Variants in ANKRD29 observed in about 807,000 individuals in gnomAD.
The protein encoded by ANKRD29 is ankyrin repeat domain-containing protein 29.
Under a neutral mutation model 38.0 loss-of-function variants are expected in ANKRD29, and 32 were observed. That is an observed-to-expected ratio of 0.84 (90% CI 0.64 to 1.13). ANKRD29 has a LOEUF of 1.13. ANKRD29 is among the 50% of genes most tolerant of loss of function. The pLI is 0.00. For missense variants in ANKRD29, 357 were observed against 377.9 expected, an observed-to-expected ratio of 0.94 and a Z score of 0.46; for synonymous variants, 135 against 152.4, an observed-to-expected ratio of 0.89 and a Z score of 0.84.
intron 4 of ANKRD29, among the ~76,000 whole-genome samples, chr18:23,636,762 C>T (rs1460304785): frequency 3.5e-5 from 5 of 141,980 alleles, no homozygotes; most frequent in East Asian, 2.4e-4. Context: ...TTGATAAAGA[C>T]GGGGTTTCGC....
intron 9 of ANKRD29, among the ~76,000 whole-genome samples, chr18:23,605,102 G>A (rs1035994272): frequency 6.6e-6 from 1 of 151,932 alleles, no homozygotes; most frequent in Admixed American, 6.6e-5. Context: ...TATATTTTTA[G>A]TAGAGATGGG....
At chr18:23,613,338 A>ATTTTTGTAT (rs2059668135) in intron 8 of ANKRD29, among the ~76,000 whole-genome samples, 1 of 151,624 alleles carries the variant, frequency 6.6e-6, no homozygotes, top group South Asian at 2.1e-4. Flanking sequence ...CACTCTGCTA[A>ATTTTTGTAT]TTTTTGTATT....
At chr18:23,645,358 G>A (rs962335840) in intron 3 of ANKRD29, among the ~76,000 whole-genome samples, 3 of 152,160 alleles carry the variant, frequency 2.0e-5, no homozygotes, top group Non-Finnish European at 4.4e-5. Context: ...GGCAGATCAC[G>A]AGGTCAGGAG....
intron 6 of ANKRD29, among the ~76,000 whole-genome samples, chr18:23,621,808 G>T (rs1444271975): frequency 6.6e-6 from 1 of 152,048 alleles, no homozygotes; most frequent in Non-Finnish European, 1.5e-5. Flanking sequence ...CCTAGTAGCT[G>T]AGACTACAGG....
At chr18:23,655,940 A>G (rs1317139525) in intron 1 of ANKRD29, among the ~76,000 whole-genome samples, 14 of 149,100 alleles carry the variant, frequency 9.4e-5, no homozygotes, top group East Asian at 2.0e-4. Context: ...AAAAATACAA[A>G]AAATTAGCCG....
intron 1 of ANKRD29, among the ~76,000 whole-genome samples, chr18:23,654,319 T>TC (rs1393640671): frequency 7.5e-4 from 112 of 148,852 alleles, no homozygotes; most frequent in African/African-American, 2.6e-3. Context: ...AATAAATAAA[T>TC]AAATAAATCC....
chr18:23,603,469 C>A (rs1210696537), intron 9 of ANKRD29, among the ~76,000 whole-genome samples: 1 of 152,154 alleles, frequency 6.6e-6, no homozygotes, highest in Non-Finnish European at 1.5e-5. Context: ...CCTGTCTCCA[C>A]TAAAAATACA....
At chr18:23,645,670 G>A (rs1160832421) in intron 3 of ANKRD29, among the ~76,000 whole-genome samples, 3 of 152,208 alleles carry the variant, frequency 2.0e-5, no homozygotes, top group African/African-American at 2.4e-5. Flanking sequence ...TGAATGAAGT[G>A]TGGGAACAGG....
chr18:23,656,879 T>A (rs2060291090), intron 1 of ANKRD29, among the ~76,000 whole-genome samples: 1 of 152,126 alleles, frequency 6.6e-6, no homozygotes, highest in Admixed American at 6.5e-5. Flanking sequence ...CTTCTGGAAG[T>A]CCATTTCACA....
At chr18:23,624,341 C>T (rs1221466616) in intron 6 of ANKRD29, among the ~76,000 whole-genome samples, 2 of 151,550 alleles carry the variant, frequency 1.3e-5, no homozygotes, top group Non-Finnish European at 2.9e-5. Context: ...GTGGTGCATG[C>T]CTGTAGTCCC....
At chr18:23,614,630 T>A (rs1178093415) in intron 8 of ANKRD29, among the ~76,000 whole-genome samples, 21 of 139,642 alleles carry the variant, frequency 1.5e-4, no homozygotes, top group Non-Finnish European at 3.0e-4. Flanking sequence ...AGTTCAAAGG[T>A]CAAGACCAGC....
At chr18:23,630,780 A>G (rs183547056) in intron 5 of ANKRD29, among the ~76,000 whole-genome samples, 1 of 151,170 alleles carries the variant, frequency 6.6e-6, no homozygotes, top group Admixed American at 6.6e-5. Context: ...TATTTTTAAT[A>G]TATTTTTAAA....
chr18:23,618,966 G>C (rs2059758073), intron 7 of ANKRD29, among the ~76,000 whole-genome samples: 1 of 152,178 alleles, frequency 6.6e-6, no homozygotes, highest in Non-Finnish European at 1.5e-5. Flanking sequence ...GGTTACGTAA[G>C]CAAGGGTTAT....
At chr18:23,615,924 TATATATTATATAGTATATAATATATAC>T in intron 8 of ANKRD29, among the ~76,000 whole-genome samples, 1 of 138,578 alleles carries the variant, frequency 7.2e-6, no homozygotes, top group East Asian at 1.9e-4. Flanking sequence ...ATATAGTATG[TATATATTATATAGTATATAATATATAC>T]ATACTATATG....
chr18:23,643,638 A>G (rs1244627779), intron 3 of ANKRD29, among the ~76,000 whole-genome samples: 1 of 152,204 alleles, frequency 6.6e-6, no homozygotes. Context: ...AATGTGAATA[A>G]AAGTTTTAAA....
chr18:23,625,109 T>C (rs1323747111), intron 6 of ANKRD29, among the ~76,000 whole-genome samples: 3 of 152,198 alleles, frequency 2.0e-5, no homozygotes, highest in African/African-American at 4.8e-5. Context: ...CTATTTGAAG[T>C]TGGGAGTCCA....
intron 9 of ANKRD29, among the ~76,000 whole-genome samples, chr18:23,606,376 T>G (rs575898692): frequency 4.3e-4 from 65 of 152,348 alleles, no homozygotes; most frequent in Non-Finnish European, 8.5e-4. Flanking sequence ...TGCCTCAACC[T>G]TCCATACTGC....
At chr18:23,612,296 C>T (rs1250569269) in intron 8 of ANKRD29, 106 bp from the exon 9 acceptor site, 7 of 965,560 alleles carry the variant, frequency 7.2e-6, no homozygotes, top group Non-Finnish European at 1.1e-5. Flanking sequence ...ACCTCATACC[C>T]GTAACCTTCC....
At chr18:23,626,146 C>T (rs768400594) in intron 6 of ANKRD29, among the ~76,000 whole-genome samples, 1 of 152,214 alleles carries the variant, frequency 6.6e-6, no homozygotes, top group Non-Finnish European at 1.5e-5. Context: ...CTCCCACTGC[C>T]ATTGATGGAT....
Sources: allele counts gnomAD v4.1 joint callset (sites outside exome capture counted in the v4.1 genomes callset), GRCh38; gene constraint gnomAD v4.1.1; transcripts MANE v1.5; gene names NCBI Gene and HGNC (gene_info 2026-07-23, HGNC 2026-07-21).